Variants in RB1CC1 observed in about 807,000 individuals in gnomAD.
RB1CC1 encodes the protein RB1-inducible coiled-coil protein 1.
A neutral mutation model predicts 177.5 loss-of-function variants in RB1CC1; 46 were observed. The observed-to-expected ratio is 0.26, with a 90% CI of 0.20 to 0.33. The LOEUF is 0.33. Among genes scored for constraint, RB1CC1 ranks in the 10% least tolerant of loss-of-function variants. The pLI is 1.00. For missense variants in RB1CC1, 1,703 were observed against 1,816.3 expected (o/e 0.94, Z 1.13); for synonymous variants, 666 against 613.6 (o/e 1.09, Z -1.26).
intron 18 of RB1CC1, among the ~76,000 whole-genome samples, chr8:52,637,071 C>G (rs1849201034): frequency 6.6e-6 from 1 of 152,062 alleles, no homozygotes; most frequent in South Asian, 2.1e-4. Flanking sequence ...TCTTGCAATT[C>G]CATATGAATT....
At chr8:52,663,025 A>G (rs1465922394) in intron 8 of RB1CC1, among the ~76,000 whole-genome samples, 1 of 152,146 alleles carries the variant, frequency 6.6e-6, no homozygotes, top group Non-Finnish European at 1.5e-5. Context: ...AAGAAGGAAA[A>G]AATAAAGTTT....
chr8:52,659,032 C>T, intron 12 of RB1CC1, 56 bp from the exon 13 acceptor site: 3 of 881,380 alleles, frequency 3.4e-6, no homozygotes, highest in Non-Finnish European at 5.0e-6. Context: ...AAACAGACAG[C>T]AAATTTATAT....
In RB1CC1 at chr8:52,710,849, G is replaced by A. The variant is rs149342026; in HGVS notation, c.-167+3226C>T. On this transcript the variant is annotated intron_variant, in intron 1 of 23. Coordinates refer to ENST00000025008, the MANE Select transcript of RB1CC1 (RefSeq NM_014781.5). ...TATTAAACCAGCCTGCCCAAATCTG[G>A]TATTTGCAGTAAAACAATTACTAAA... Among the ~76,000 whole-genome samples the A allele has an allele frequency of 3.2e-4, 48 of 152,108 alleles. No individual in the cohort carries two copies. In the East Asian group the frequency reaches 8.9e-3, roughly 28 times the overall value.
intron 1 of RB1CC1, among the ~76,000 whole-genome samples, chr8:52,697,734 T>C (rs1399646445): frequency 1.3e-5 from 2 of 152,250 alleles, no homozygotes; most frequent in Non-Finnish European, 2.9e-5. Flanking sequence ...CTTTTGTATA[T>C]GTTTGCAAAT....
intron 5 of RB1CC1, among the ~76,000 whole-genome samples, chr8:52,681,986 G>C (rs1311804127): frequency 6.6e-6 from 1 of 152,166 alleles, no homozygotes; most frequent in African/African-American, 2.4e-5. Context: ...GTGGAGCTCT[G>C]AGAAGAGGGT....
chr8:52,648,093 C>G (rs1454588507), intron 15 of RB1CC1, among the ~76,000 whole-genome samples: 1 of 151,996 alleles, frequency 6.6e-6, no homozygotes, highest in Admixed American at 6.6e-5. Context: ...GGACACAGTT[C>G]CAGGTACACA....
chr8:52,710,164 A>T (rs531847165), intron 1 of RB1CC1, among the ~76,000 whole-genome samples: 1 of 152,328 alleles, frequency 6.6e-6, no homozygotes, highest in Non-Finnish European at 1.5e-5. Context: ...TCCCCAAATC[A>T]GATGTATTCT....
intron 5 of RB1CC1, among the ~76,000 whole-genome samples, chr8:52,681,182 GA>G (rs1314043471): frequency 6.6e-6 from 1 of 151,486 alleles, no homozygotes; most frequent in African/African-American, 2.4e-5. Flanking sequence ...TTTTTAAGTA[GA>G]GACAGGGTTT....
At chr8:52,632,415 C>T (rs1178069895) in intron 20 of RB1CC1, among the ~76,000 whole-genome samples, 1 of 152,116 alleles carries the variant, frequency 6.6e-6, no homozygotes, top group East Asian at 1.9e-4. Context: ...ACTAGGAAGG[C>T]CTAAAACTGT....
chr8:52,679,140 G>A lies in RB1CC1; in HGVS notation c.370-2569C>T, dbSNP rs182953646. On this transcript the variant is annotated intron_variant, in intron 5 of 23. Transcript: ENST00000025008. ...AATCTCGGGAACCCAAAATCACTAA[G>A]CCAATGGAAAAATCAAGCTGGGAAC... 1.6e-3 allele frequency among the ~76,000 whole-genome samples: 237 copies of A among 152,280 alleles called. 1 individual carries two copies. Among genetic ancestry groups the A allele is most frequent in the African/African-American group, 5.5e-3 (227 of 41,570 alleles).
chr8:52,687,493 T>C (rs1167017140), intron 1 of RB1CC1, among the ~76,000 whole-genome samples: 1 of 152,196 alleles, frequency 6.6e-6, no homozygotes, highest in Non-Finnish European at 1.5e-5. Flanking sequence ...AATGATGGGA[T>C]ATCATGTAGG....
In RB1CC1 at chr8:52,663,897, AGTAGT is replaced by A. The variant is rs538895577; in HGVS notation, c.1174-2183_1174-2179del. On this transcript the variant is annotated intron_variant, in intron 8 of 23. Transcript: ENST00000025008. ...TTGTAGATAAAGCAATGGAAGATAG[AGTAGT>A]GTCCTGCCTCCTTGGAGCTTATATT... is the stretch of plus-strand genomic sequence containing the variant. 3.9e-5 allele frequency among the ~76,000 whole-genome samples: 6 copies of A among 152,272 alleles called. No individual in the cohort carries two copies. In the South Asian group the frequency reaches 1.2e-3, roughly 32 times the overall value.
chr8:52,642,880 C>T (rs1849701979), intron 16 of RB1CC1, 68 bp from the exon 17 acceptor site: 9 of 1,375,252 alleles, frequency 6.5e-6, no homozygotes, highest in Non-Finnish European at 9.4e-7. Flanking sequence ...AGAAAATACA[C>T]TTGCAAATAT....
At chr8:52,647,962 G>A (rs1850204831) in intron 15 of RB1CC1, among the ~76,000 whole-genome samples, 1 of 152,182 alleles carries the variant, frequency 6.6e-6, no homozygotes, top group Non-Finnish European at 1.5e-5. Flanking sequence ...AATTGTGCAA[G>A]AGAGGAAGGG....
chr8:52,698,670 G>GTTTTT lies in RB1CC1; in HGVS notation c.-166-11708_-166-11704dup, dbSNP rs1183407164. Among the ~76,000 whole-genome samples the GTTTTT allele has an allele frequency of 5.6e-4, 43 of 77,462 alleles. 3 individuals are homozygous for GTTTTT. Among genetic ancestry groups the GTTTTT allele is most frequent in the Non-Finnish European group, 7.7e-4 (32 of 41,428 alleles). The allele number at this position is 77,462 out of a possible 152,430, so 50.8% of individuals were successfully genotyped here. ...ACAAAAACTGTATATGTAATGGTTGGTTTTTTTTTTTTTTTTTTTTTTTTT... is the reference window on the plus strand; with the variant it reads ...ACAAAAACTGTATATGTAATGGTTGGTTTTTTTTTTTTTTTTTTTTTTTTTTTTTT... On this transcript the variant is annotated intron_variant, in intron 1 of 23. Coordinates refer to ENST00000025008, the MANE Select transcript of RB1CC1 (RefSeq NM_014781.5).
intron 1 of RB1CC1, among the ~76,000 whole-genome samples, chr8:52,697,772 T>C (rs956245042): frequency 3.3e-5 from 5 of 152,234 alleles, no homozygotes; most frequent in African/African-American, 1.2e-4. Flanking sequence ...AGAAAATGTA[T>C]TATTTTAATC....
At chr8:52,696,224 C>T (rs113171457) in intron 1 of RB1CC1, among the ~76,000 whole-genome samples, 4,444 of 151,490 alleles carry the variant, frequency 0.029, 247 homozygotes, top group African/African-American at 0.1. Context: ...TTTGTATTTT[C>T]AGAGAGACAG....
intron 16 of RB1CC1, among the ~76,000 whole-genome samples, chr8:52,644,064 CA>C (rs1347233870): frequency 6.6e-6 from 1 of 151,896 alleles, no homozygotes; most frequent in African/African-American, 2.4e-5. Flanking sequence ...AAAATAAACA[CA>C]AAAACATATA....
At chr8:52,645,891 A>C in intron 15 of RB1CC1, 24 bp from the exon 16 acceptor site, 12 of 1,566,158 alleles carry the variant, frequency 7.7e-6, no homozygotes, top group Non-Finnish European at 1.0e-5. Flanking sequence ...TACAGCATTA[A>C]ATTAAAAAAA....
Sources: allele counts gnomAD v4.1 joint callset (sites outside exome capture counted in the v4.1 genomes callset), GRCh38; gene constraint gnomAD v4.1.1; transcripts MANE v1.5; gene names NCBI Gene and HGNC (gene_info 2026-07-23, HGNC 2026-07-21).